The following CDC42SE2 variants were observed in gnomAD, a reference collection of about 807,000 sequenced individuals.
CDC42SE2 encodes the protein CDC42 small effector protein 2.
In CDC42SE2, 3 loss-of-function variants were observed where a neutral mutation model predicts 11.5. That is an observed-to-expected ratio of 0.26 (90% CI 0.12 to 0.67). The LOEUF is 0.67. CDC42SE2 is among the 30% of genes least tolerant of loss of function. The probability of loss-of-function intolerance (pLI) is 0.80; values close to 1 mark genes in which losing one functional copy is unlikely to be tolerated. For missense variants in CDC42SE2, 82 were observed against 106.8 expected, an observed-to-expected ratio of 0.77 and a Z score of 1.02; for synonymous variants, 33 against 34.8, an observed-to-expected ratio of 0.95 and a Z score of 0.18.
At chr5:131,363,575 C>G (rs576172579) in intron 3 of CDC42SE2, among the ~76,000 whole-genome samples, 1 of 151,880 alleles carries the variant, frequency 6.6e-6, no homozygotes, top group East Asian at 1.9e-4. Context: ...TGGGGTTTCT[C>G]CATGTTAGCC....
intron 1 of CDC42SE2, among the ~76,000 whole-genome samples, chr5:131,250,256 TA>T (rs1171121072): frequency 1.3e-5 from 2 of 152,170 alleles, no homozygotes; most frequent in Non-Finnish European, 2.9e-5. Context: ...AGTGGATAAA[TA>T]ATCTGTGGTA....
intron 2 of CDC42SE2, among the ~76,000 whole-genome samples, chr5:131,355,394 T>A (rs766206640): frequency 2.9e-4 from 44 of 151,860 alleles, no homozygotes; most frequent in Non-Finnish European, 6.0e-4. Context: ...GGAGGATCAT[T>A]TGAACCCGAG....
chr5:131,338,717 G>A (rs2149750312), intron 2 of CDC42SE2, among the ~76,000 whole-genome samples: 1 of 152,302 alleles, frequency 6.6e-6, no homozygotes, highest in South Asian at 2.1e-4. Context: ...GAGATACTGA[G>A]CGGAGGGATC....
intron 1 of CDC42SE2, among the ~76,000 whole-genome samples, chr5:131,265,006 A>C (rs1352589019): frequency 6.6e-6 from 1 of 152,208 alleles, no homozygotes; most frequent in African/African-American, 2.4e-5. Context: ...TCAGTAAAGT[A>C]TTTGTTGAAT....
the CDC42SE2 span, among the ~76,000 whole-genome samples, chr5:131,216,784 C>T: frequency 6.6e-6 from 1 of 152,124 alleles, no homozygotes; most frequent in East Asian, 1.9e-4. Context: ...CAGTCAACTC[C>T]TTCAAGAAAT....
the CDC42SE2 span, among the ~76,000 whole-genome samples, chr5:131,222,966 T>C: frequency 6.6e-6 from 1 of 152,248 alleles, no homozygotes; most frequent in Admixed American, 6.5e-5. Flanking sequence ...CTGAAAGGTA[T>C]AATAAATGCT....
intron 2 of CDC42SE2, among the ~76,000 whole-genome samples, chr5:131,320,011 A>T (rs1331166191): frequency 2.1e-5 from 3 of 143,696 alleles, no homozygotes; most frequent in Admixed American, 1.5e-4. Flanking sequence ...AGATCGCGCC[A>T]CTGCACTCCA....
chr5:131,221,216 C>T, the CDC42SE2 span, among the ~76,000 whole-genome samples: 3 of 152,082 alleles, frequency 2.0e-5, no homozygotes, highest in Non-Finnish European at 4.4e-5. Flanking sequence ...CCGCAGCCCA[C>T]GGCCACATGC....
the CDC42SE2 span, among the ~76,000 whole-genome samples, chr5:131,226,262 G>A: frequency 6.6e-6 from 1 of 152,228 alleles, no homozygotes; most frequent in African/African-American, 2.4e-5. Context: ...TCTCACTTTA[G>A]TATAGCAATT....
intron 2 of CDC42SE2, among the ~76,000 whole-genome samples, chr5:131,352,951 A>G (rs1396853916): frequency 6.6e-6 from 1 of 151,812 alleles, no homozygotes; most frequent in African/African-American, 2.4e-5. Context: ...TCCTCAATTC[A>G]TTATTATCAA....
intron 2 of CDC42SE2, among the ~76,000 whole-genome samples, chr5:131,346,099 G>C (rs1056816488): frequency 1.3e-5 from 2 of 152,132 alleles, no homozygotes; most frequent in Non-Finnish European, 2.9e-5. Flanking sequence ...ATCAACTAAC[G>C]AGCAAAATAA....
At chr5:131,318,560 A>G (rs1407986802) in intron 2 of CDC42SE2, among the ~76,000 whole-genome samples, 1 of 152,232 alleles carries the variant, frequency 6.6e-6, no homozygotes, top group African/African-American at 2.4e-5. Flanking sequence ...TCTTTTGACC[A>G]TGAAAGGAAA....
the CDC42SE2 span, among the ~76,000 whole-genome samples, chr5:131,210,569 A>T: frequency 2.0e-5 from 3 of 152,134 alleles, no homozygotes; most frequent in Admixed American, 6.5e-5. Flanking sequence ...TTCCTTTAAC[A>T]CTTCACAGAT....
At chr5:131,234,071 A>G in the CDC42SE2 span, among the ~76,000 whole-genome samples, 4 of 152,220 alleles carry the variant, frequency 2.6e-5, no homozygotes, top group African/African-American at 7.2e-5. Context: ...ATTCTGTTGT[A>G]TTAAGTAAAT....
At chr5:131,263,154 C>G (rs1286520539), upstream of CDC42SE2, among the ~76,000 whole-genome samples, 1 of 139,828 alleles carries the variant, frequency 7.2e-6, no homozygotes, top group African/African-American at 2.7e-5. Flanking sequence ...CCACTCTGTT[C>G]TATTTTGAAG....
intron 4 of CDC42SE2, among the ~76,000 whole-genome samples, chr5:131,388,348 CTG>C (rs1225806935): frequency 9.9e-5 from 15 of 152,060 alleles, no homozygotes; most frequent in Admixed American, 9.8e-4. Context: ...GAGCCTGACT[CTG>C]TGAGAAAAAT....
intron 3 of CDC42SE2, among the ~76,000 whole-genome samples, chr5:131,362,091 G>T (rs751760381): frequency 6.6e-6 from 1 of 152,110 alleles, no homozygotes; most frequent in African/African-American, 2.4e-5. Flanking sequence ...ATGTTTGTCC[G>T]TGGGGGTGGA....
intron 2 of CDC42SE2, among the ~76,000 whole-genome samples, chr5:131,345,629 A>C (rs1452902628): frequency 3.3e-5 from 5 of 152,186 alleles, no homozygotes; most frequent in Admixed American, 6.5e-5. Context: ...CCAACATTCA[A>C]ATTCAGGAAA....
At chr5:131,316,762 C>G (rs1442319907) in intron 2 of CDC42SE2, among the ~76,000 whole-genome samples, 1 of 152,190 alleles carries the variant, frequency 6.6e-6, no homozygotes, top group Non-Finnish European at 1.5e-5. Context: ...AAAAGTAGAA[C>G]TAGAGTTCCA....
Sources: allele counts gnomAD v4.1 joint callset (sites outside exome capture counted in the v4.1 genomes callset), GRCh38; gene constraint gnomAD v4.1.1; transcripts MANE v1.5; gene names NCBI Gene and HGNC (gene_info 2026-07-23, HGNC 2026-07-21).